The following PHACTR3 variants were observed in gnomAD, a reference collection of about 807,000 sequenced individuals.
PHACTR3 encodes phosphatase and actin regulator 3, also known as protein phosphatase 1, regulatory subunit 123.
PHACTR3 carries 16 observed loss-of-function variants against 66.8 expected under a neutral mutation model. The observed-to-expected ratio is 0.24, with a 90% CI of 0.16 to 0.36. PHACTR3 has a LOEUF of 0.36. PHACTR3 is among the 10% of genes least tolerant of loss of function. The pLI is 1.00. For missense variants in PHACTR3, 647 were observed against 719.9 expected (o/e 0.90, Z 1.16); for synonymous variants, 323 against 292.1 (o/e 1.11, Z -1.08).
chr20:59,585,798 G>A (rs572426565), intron 1 of PHACTR3, among the ~76,000 whole-genome samples: 2 of 152,168 alleles, frequency 1.3e-5, no homozygotes, highest in Non-Finnish European at 2.9e-5. Flanking sequence ...AAGTACTGTC[G>A]CTCTGACATT....
At chr20:59,704,147 C>G (rs2037610989) in intron 1 of PHACTR3, among the ~76,000 whole-genome samples, 1 of 152,114 alleles carries the variant, frequency 6.6e-6, no homozygotes, top group Admixed American at 6.5e-5. Context: ...GAACAAGTGG[C>G]CTTCCCATCG....
intron 7 of PHACTR3, among the ~76,000 whole-genome samples, chr20:59,796,251 C>A (rs556777077): frequency 6.6e-6 from 1 of 152,186 alleles, no homozygotes; most frequent in African/African-American, 2.4e-5. Flanking sequence ...TTACCTTACC[C>A]CACTCCCACA....
chr20:59,662,591 T>G (rs1222559156), intron 1 of PHACTR3, among the ~76,000 whole-genome samples: 1 of 152,104 alleles, frequency 6.6e-6, no homozygotes, highest in Non-Finnish European at 1.5e-5. Context: ...GTGAAGAAAG[T>G]GGGATTTTAT....
At chr20:59,759,075 G>A (rs1408047269) in intron 4 of PHACTR3, among the ~76,000 whole-genome samples, 1 of 152,152 alleles carries the variant, frequency 6.6e-6, no homozygotes, top group East Asian at 1.9e-4. Context: ...GCACTAACAC[G>A]CATTATTTAG....
At chr20:59,686,659 GTGATGATGATGGTGA>G (rs1568711298) in intron 1 of PHACTR3, among the ~76,000 whole-genome samples, 2 of 145,376 alleles carry the variant, frequency 1.4e-5, no homozygotes, top group South Asian at 2.2e-4. Context: ...GATGATGGTG[GTGATGATGATGGTGA>G]TGATGATGGT....
intron 1 of PHACTR3, among the ~76,000 whole-genome samples, chr20:59,702,458 A>T (rs540690954): frequency 6.6e-6 from 1 of 152,330 alleles, no homozygotes; most frequent in East Asian, 1.9e-4. Context: ...ATCCTCTAAG[A>T]TGCCCTCCTG....
chr20:59,737,816 G>A (rs1486220565), intron 1 of PHACTR3, among the ~76,000 whole-genome samples: 2 of 152,126 alleles, frequency 1.3e-5, no homozygotes, highest in Admixed American at 6.5e-5. Flanking sequence ...GTGTCAGTAC[G>A]TATTTGTTGA....
At chr20:59,732,000 C>A (rs2038782634) in intron 1 of PHACTR3, among the ~76,000 whole-genome samples, 1 of 152,144 alleles carries the variant, frequency 6.6e-6, no homozygotes, top group Non-Finnish European at 1.5e-5. Flanking sequence ...TTATTGCAGT[C>A]TAGGCAGCAA....
intron 5 of PHACTR3, among the ~76,000 whole-genome samples, chr20:59,770,926 G>A (rs980011460): frequency 6.6e-6 from 1 of 152,220 alleles, no homozygotes; most frequent in African/African-American, 2.4e-5. Context: ...GTGGAGCTGG[G>A]TGCGATGTGC....
In PHACTR3 at chr20:59,818,808, C is replaced by T. The variant is rs192845402; in HGVS notation, c.1328+12614C>T. Among the ~76,000 whole-genome samples the T allele has an allele frequency of 1.2e-4, 19 of 152,358 alleles. No homozygotes were observed. The East Asian group carries it at 3.3e-3, about 26-fold the overall frequency. The stretch of plus-strand genomic sequence containing the variant: ...CATTGTCATCATTTTATCTTCATCA[C>T]TATCATCACCTTCACTGCTTGTTTA... On this transcript the variant is annotated intron_variant, in intron 8 of 12. Transcript: ENST00000371015.
At chr20:59,722,850 G>T (rs1040978823) in intron 1 of PHACTR3, among the ~76,000 whole-genome samples, 1 of 151,736 alleles carries the variant, frequency 6.6e-6, no homozygotes, top group Admixed American at 6.6e-5. Flanking sequence ...GTGGTGGTGA[G>T]CACCGCAGCT....
At position 59,820,523 on chromosome 20, in the gene PHACTR3, C is replaced by A. The variant is rs567483565; in HGVS notation, c.1328+14329C>A. On this transcript the variant is annotated intron_variant, in intron 8 of 12. Transcript: ENST00000371015. This position sits in a 1 kb window ranked among gnomAD's most constrained non-coding sequence, Gnocchi z 4.6. ...CCCAGAGGATATAAATATGACGCTT[C>A]ATCGTCTTGGGTGGAAGTCCCCGTG... 3.5e-4 allele frequency among the ~76,000 whole-genome samples: 54 copies of A among 152,298 alleles called. No homozygotes were observed. Among genetic ancestry groups the A allele is most frequent in the Non-Finnish European group, 7.3e-4 (50 of 68,034 alleles).
Position 59,829,716 on chromosome 20 carries a change from C to T in PHACTR3, c.1329-6789C>T, listed in dbSNP as rs995414089. 2.6e-5 allele frequency among the ~76,000 whole-genome samples: 4 copies of T among 152,368 alleles called. No individual in the cohort carries two copies. Among genetic ancestry groups the T allele is most frequent in the Admixed American group, 6.5e-5 (1 of 15,304 alleles). ...CAGAAAGGAGCCTCCCAAAATAGCC[C>T]GGGCGTCCCCTGTGGGTGTCGAGCT... is the stretch of plus-strand genomic sequence containing the variant. On this transcript the variant is annotated intron_variant, in intron 8 of 12. Coordinates refer to ENST00000371015, the MANE Select transcript of PHACTR3 (RefSeq NM_080672.5). This position sits in a 1 kb window ranked among gnomAD's most constrained non-coding sequence, Gnocchi z 4.2.
At chr20:59,746,849 A>G (rs2039390475) in intron 2 of PHACTR3, among the ~76,000 whole-genome samples, 1 of 152,216 alleles carries the variant, frequency 6.6e-6, no homozygotes, top group African/African-American at 2.4e-5. Flanking sequence ...GAGAAGACCC[A>G]GGTGAGGAGG....
chr20:59,663,834 T>A (rs1337105739), intron 1 of PHACTR3, among the ~76,000 whole-genome samples: 1 of 152,188 alleles, frequency 6.6e-6, no homozygotes, highest in Non-Finnish European at 1.5e-5. Context: ...TGGAAAGACT[T>A]ATAGCATGGT....
At chr20:59,723,078 CTTTCTTTCTT>C (rs1307026128) in intron 1 of PHACTR3, among the ~76,000 whole-genome samples, 1 of 137,180 alleles carries the variant, frequency 7.3e-6, no homozygotes, top group African/African-American at 3.0e-5. Context: ...TTCTTTCTTT[CTTTCTTTCTT>C]TCTTTCTTTC....
At chr20:59,801,950 G>C (rs1392045080) in intron 7 of PHACTR3, among the ~76,000 whole-genome samples, 7 of 152,210 alleles carry the variant, frequency 4.6e-5, no homozygotes, top group African/African-American at 1.7e-4. Context: ...TCAGTGCCAG[G>C]TATGGAATAG....
chr20:59,723,656 G>A (rs1025242987), intron 1 of PHACTR3, among the ~76,000 whole-genome samples: 1 of 152,040 alleles, frequency 6.6e-6, no homozygotes, highest in Non-Finnish European at 1.5e-5. Context: ...AGTCTTCGGG[G>A]CAAGCTCAGG....
At chr20:59,777,488 A>G (rs2040580636) in intron 7 of PHACTR3, among the ~76,000 whole-genome samples, 1 of 152,098 alleles carries the variant, frequency 6.6e-6, no homozygotes, top group South Asian at 2.1e-4. Flanking sequence ...ATGGCCTCCA[A>G]CAGAATGTGC....
Sources: allele counts gnomAD v4.1 joint callset (sites outside exome capture counted in the v4.1 genomes callset), GRCh38; gene constraint gnomAD v4.1.1; non-coding constraint Gnocchi (gnomAD v3.1); transcripts MANE v1.5; gene names NCBI Gene and HGNC (gene_info 2026-07-23, HGNC 2026-07-21).